DNAJC13: variants seen among roughly 807,000 people sequenced by gnomAD.
The protein encoded by DNAJC13 is dnaJ homolog subfamily C member 13.
DNAJC13 carries 75 observed loss-of-function variants against 290.5 expected under a neutral mutation model. That is an observed-to-expected ratio of 0.26 (90% CI 0.21 to 0.31). The LOEUF (loss-of-function observed/expected upper bound fraction) is 0.31, where lower values mean the gene tolerates loss of function less well. DNAJC13 is among the 10% of genes least tolerant of loss of function. The pLI is 1.00. For missense variants in DNAJC13, 2,260 were observed against 2,674.5 expected, an observed-to-expected ratio of 0.85 and a Z score of 3.42; for synonymous variants, 862 against 892.0, an observed-to-expected ratio of 0.97 and a Z score of 0.60.
chr3:132,510,305 G>A (rs1935734052), intron 43 of DNAJC13, among the ~76,000 whole-genome samples: 1 of 152,178 alleles, frequency 6.6e-6, no homozygotes, highest in Non-Finnish European at 1.5e-5. Flanking sequence ...ATCATCTTTT[G>A]TGATGATTCC....
chr3:132,526,393 C>T (rs1936257935), intron 53 of DNAJC13, 112 bp downstream of exon 53: 5 of 1,315,282 alleles, frequency 3.8e-6, no homozygotes, highest in Admixed American at 2.2e-5. Context: ...TGAGAGTTAA[C>T]TTGTGAGTTT....
Position 132,456,805 on chromosome 3 carries a change from G to C in DNAJC13, c.1322G>C (p.Gly441Ala). The C allele has an allele frequency of 1.2e-6, 2 of 1,612,808 alleles. No homozygotes were observed. Among genetic ancestry groups the C allele is most frequent in the Non-Finnish European group, 1.7e-6 (2 of 1,179,542 alleles). Reference protein sequence around the residue: ...AVRRLVASKAGFLAFTQLPKF... With the variant: ...AVRRLVASKAAFLAFTQLPKF... The stretch of plus-strand genomic sequence containing the variant: ...AGGAGGCTTGTGGCATCCAAAGCTG[G>C]TTTCCTGGCTTTCACTCAGCTTCCA... The change falls in exon 12 of 56, where the codon GGT (glycine) becomes GCT (alanine). Residue 441 changes from glycine (G) to alanine (A), a missense_variant. Physicochemically the swap from Gly to Ala is moderately conservative, Grantham distance 60. Transcript: ENST00000260818.
At position 132,511,063 on chromosome 3, in the gene DNAJC13, T is replaced by C. The variant is rs368982492; in HGVS notation, c.5116-4T>C. 4.1e-5 allele frequency: 66 copies of C among 1,613,538 alleles called. No individual in the cohort carries two copies. The highest frequency in any genetic ancestry group is 5.3e-5 in the Non-Finnish European group (63 of 1,179,708). ...TTGTTTAAATACTTGTCTGCATTGA[T>C]TAGGTTCCAAAAGCATTTGCTGCAA... On this transcript the variant is annotated splice_polypyrimidine_tract_variant and splice_region_variant and intron_variant, in intron 43 of 55. Coordinates refer to ENST00000260818, the MANE Select transcript of DNAJC13 (RefSeq NM_015268.4).
In DNAJC13 at chr3:132,434,215, AAAAAAAC is replaced by A. The variant is rs1252910867; in HGVS notation, c.-13-309_-13-303del. On this transcript the variant is annotated intron_variant, in intron 1 of 55. Transcript: ENST00000260818. The stretch of plus-strand genomic sequence containing the variant: ...ACAGTGCGAGACTCCATCTCAAAAA[AAAAAAAC>A]AAAAAACAAAAAAATTAGCCGGGCG... 4.0e-5 allele frequency among the ~76,000 whole-genome samples: 6 copies of A among 150,520 alleles called. 1 individual carries two copies. The highest frequency in any genetic ancestry group is 2.0e-4 in the East Asian group (1 of 5,110).
chr3:132,469,963 C>CTTTTTTTT (rs61726289), intron 20 of DNAJC13, among the ~76,000 whole-genome samples: 33 of 61,144 alleles, frequency 5.4e-4, no homozygotes, highest in African/African-American at 1.5e-3. Context: ...AGCAGAGATT[C>CTTTTTTTT]TTTTTTTTTT....
rs149995490 is a variant in DNAJC13, at chr3:132,466,529, T to A, written c.2064+135T>A. The A allele has an allele frequency of 1.4e-3, 808 of 581,412 alleles. 17 individuals are homozygous for A. The East Asian group carries it at 0.024, about 17-fold the overall frequency. The allele number at this position is 581,412 out of a possible 1,614,324, so 36.0% of individuals were successfully genotyped here. On this transcript the variant is annotated intron_variant, in intron 19 of 55. Transcript: ENST00000260818. ...TGAATAGTATACTTAACTATTGATATCTTTATTGAGGTAAAATTTACATCC... is the reference window on the plus strand; with the variant it reads ...TGAATAGTATACTTAACTATTGATAACTTTATTGAGGTAAAATTTACATCC...
intron 1 of DNAJC13, among the ~76,000 whole-genome samples, chr3:132,422,556 A>G (rs1012636523): frequency 5.9e-5 from 9 of 152,260 alleles, no homozygotes; most frequent in Non-Finnish European, 1.3e-4. Flanking sequence ...CATACCCAGC[A>G]TATGCCAATT....
Position 132,513,106 on chromosome 3 carries a change from G to C in DNAJC13, c.5385+7G>C. The C allele has an allele frequency of 6.2e-7, 1 of 1,611,394 alleles. No individual in the cohort carries two copies. The highest frequency in any genetic ancestry group is 1.1e-5 in the South Asian group (1 of 91,010). ...GCAGCAGTTGGCTTTAGAGGTAAAA[G>C]CGTTTTGTACTAAAGCGTGTTGCCT... On this transcript the variant is annotated splice_region_variant and intron_variant, in intron 45 of 55. Transcript: ENST00000260818.
chr3:132,527,707 T>C (rs1341084325), intron 53 of DNAJC13, among the ~76,000 whole-genome samples: 3 of 152,238 alleles, frequency 2.0e-5, no homozygotes, highest in Admixed American at 6.5e-5. Flanking sequence ...AAATGGATAG[T>C]GAAAATTGTG....
intron 22 of DNAJC13, 30 bp downstream of exon 22, chr3:132,475,115 C>T: frequency 6.6e-7 from 1 of 1,514,564 alleles, no homozygotes; most frequent in Non-Finnish European, 8.8e-7. Context: ...GTATATTAAT[C>T]TTAAAAAATA....
intron 20 of DNAJC13, among the ~76,000 whole-genome samples, chr3:132,471,351 C>G (rs964068605): frequency 7.2e-6 from 1 of 138,026 alleles, no homozygotes; most frequent in East Asian, 2.2e-4. Context: ...GTTGACCCCC[C>G]CCCACCTCCC....
intron 5 of DNAJC13, among the ~76,000 whole-genome samples, chr3:132,448,324 A>G (rs201428640): frequency 2.6e-5 from 4 of 152,174 alleles, no homozygotes; most frequent in Admixed American, 2.6e-4. Context: ...GAAATATTCA[A>G]GTTTTAAGAT....
At chr3:132,490,763 T>G (rs1195821865) in intron 31 of DNAJC13, 134 bp from the exon 32 acceptor site, 4 of 936,026 alleles carry the variant, frequency 4.3e-6, no homozygotes, top group Non-Finnish European at 4.5e-6. Flanking sequence ...CCATCTACAT[T>G]CCCAAAGCAT....
chr3:132,485,686 A>G (rs973263396), intron 29 of DNAJC13, among the ~76,000 whole-genome samples: 10 of 152,242 alleles, frequency 6.6e-5, no homozygotes, highest in Non-Finnish European at 1.3e-4. Flanking sequence ...AGAAGTAATC[A>G]CAGCAGTCTT....
chr3:132,443,520 T>C (rs1007343750), intron 2 of DNAJC13, among the ~76,000 whole-genome samples: 33 of 152,264 alleles, frequency 2.2e-4, no homozygotes, highest in African/African-American at 7.2e-4. Flanking sequence ...TTAGATATTT[T>C]CATCTCTAAA....
At chr3:132,424,488 T>C (rs1939041009) in intron 1 of DNAJC13, among the ~76,000 whole-genome samples, 4 of 152,164 alleles carry the variant, frequency 2.6e-5, no homozygotes, top group Admixed American at 2.6e-4. Flanking sequence ...TTTTGAATTT[T>C]TCTTGCCCTG....
At chr3:132,450,303 C>CT (rs1489965640) in intron 5 of DNAJC13, among the ~76,000 whole-genome samples, 2 of 151,986 alleles carry the variant, frequency 1.3e-5, no homozygotes, top group Admixed American at 6.6e-5. Flanking sequence ...GAAAGTAGAT[C>CT]TTTTTTCCAG....
At chr3:132,521,722 G>T (rs900793766) in intron 48 of DNAJC13, among the ~76,000 whole-genome samples, 1 of 152,136 alleles carries the variant, frequency 6.6e-6, no homozygotes, top group Admixed American at 6.5e-5. Context: ...ACCTTCTCTT[G>T]TCCTCTGTAG....
chr3:132,444,203 C>T (rs1267624552), intron 2 of DNAJC13, among the ~76,000 whole-genome samples: 2 of 152,152 alleles, frequency 1.3e-5, no homozygotes, highest in African/African-American at 4.8e-5. Flanking sequence ...TGAGGTGGAA[C>T]AGTTTTATCC....
Sources: gnomAD v4.1 joint callset for allele counts (sites outside exome capture counted in the v4.1 genomes callset) on GRCh38, gnomAD v4.1.1 for gene constraint, MANE v1.5 for transcripts, NCBI Gene and HGNC (gene_info 2026-07-23, HGNC 2026-07-21) for gene names.